Variants in POLR2E observed in about 807,000 individuals in gnomAD.
POLR2E encodes RNA polymerase II, I and III subunit E, also known as DNA-directed RNA polymerases I, II, and III subunit RPABC1.
Under a neutral mutation model 29.8 loss-of-function variants are expected in POLR2E, and 35 were observed. That is an observed-to-expected ratio of 1.17 (90% CI 0.90 to 1.55). The LOEUF (loss-of-function observed/expected upper bound fraction) is 1.55, where lower values mean the gene tolerates loss of function less well. POLR2E is among the 40% of genes most tolerant of loss of function. The pLI is 0.00. For missense variants in POLR2E, 287 were observed against 288.6 expected (o/e 0.99, Z 0.04); for synonymous variants, 174 against 112.6 (o/e 1.55, Z -3.45).
intron 7 of POLR2E, among the ~76,000 whole-genome samples, chr19:1,089,175 C>T (rs558889539): frequency 1.3e-5 from 2 of 152,338 alleles, no homozygotes; most frequent in East Asian, 3.9e-4. Flanking sequence ...AAAGTCCCGC[C>T]GCACAACTGC....
At chr19:1,094,950 G>C in intron 1 of POLR2E, 1 of 486,466 alleles carries the variant, frequency 2.1e-6, no homozygotes. Flanking sequence ...GGCAGAGTCT[G>C]GGGGCGCCCC....
chr19:1,089,564 A>AG lies in POLR2E; in HGVS notation c.568-14dup. On this transcript the variant is annotated splice_polypyrimidine_tract_variant and intron_variant, in intron 6 of 7. Coordinates refer to ENST00000615234, the MANE Select transcript of POLR2E (RefSeq NM_002695.5). ...TGATCTTCACCACCTGCAGAGACAG[A>AG]GAGCAGGGGCTGCGAATGCTTGAGG... is the stretch of plus-strand genomic sequence containing the variant. 6.2e-7 allele frequency: 1 copy of AG among 1,611,978 alleles called. No individual in the cohort carries two copies. The highest frequency in any genetic ancestry group is 1.1e-5 in the South Asian group (1 of 91,032).
At chr19:1,093,093 G>A (rs1003238432) in intron 2 of POLR2E, among the ~76,000 whole-genome samples, 5 of 151,520 alleles carry the variant, frequency 3.3e-5, no homozygotes, top group African/African-American at 1.2e-4. Context: ...AGCTGAGGCA[G>A]GAGAATCGCT....
In POLR2E at chr19:1,088,504, T is replaced by G; in HGVS notation, c.*231A>C. On this transcript the variant is annotated 3_prime_UTR_variant, in exon 8 of 8. Coordinates refer to ENST00000615234, the MANE Select transcript of POLR2E (RefSeq NM_002695.5). Reference sequence around the variant, plus strand: ...AGGTGACCTCCCTCTGGGGGCCTTGTTCCTTCTGAGGCTGCATCTCGCACA... The same window carrying G: ...AGGTGACCTCCCTCTGGGGGCCTTGGTCCTTCTGAGGCTGCATCTCGCACA... 1 of 152,124 alleles carries G rather than the reference T, an allele frequency of 6.6e-6. No individual in the cohort carries two copies. The highest frequency in any genetic ancestry group is 1.5e-5 in the Non-Finnish European group (1 of 68,086). The allele number at this position is 152,124 out of a possible 1,614,324, so 9.4% of individuals were successfully genotyped here. A position where few individuals can be genotyped will look rare whatever the true frequency, so the allele number is the denominator to read the frequency against.
intron 2 of POLR2E, 88 bp from the exon 3 acceptor site, chr19:1,091,995 C>A (rs2043843248): frequency 1.1e-6 from 1 of 879,712 alleles, no homozygotes; most frequent in Non-Finnish European, 1.9e-6. Context: ...GGTTCCAGCC[C>A]CATTCCACAC....
intron 4 of POLR2E, among the ~76,000 whole-genome samples, chr19:1,090,444 T>G (rs1028662817): frequency 7.2e-6 from 1 of 138,790 alleles, no homozygotes. Context: ...CAGGCTGGGG[T>G]GGGCCCGGGA....
At chr19:1,090,622 G>A (rs1050125490) in intron 4 of POLR2E, among the ~76,000 whole-genome samples, 3 of 151,962 alleles carry the variant, frequency 2.0e-5, no homozygotes, top group Admixed American at 6.5e-5. Flanking sequence ...GTTTCACCGT[G>A]TTAGCCAGGA....
At chr19:1,090,009 C>T in intron 5 of POLR2E, 47 bp from the exon 6 acceptor site, 2 of 1,250,060 alleles carry the variant, frequency 1.6e-6, no homozygotes, top group Non-Finnish European at 2.1e-6. Context: ...GTTGGGGGGG[C>T]AGGGGTGTGT....
intron 4 of POLR2E, among the ~76,000 whole-genome samples, chr19:1,090,702 G>A (rs1264350728): frequency 1.3e-5 from 2 of 151,970 alleles, no homozygotes; most frequent in Non-Finnish European, 2.9e-5. Context: ...ACATGTGTGA[G>A]CCACCGCGCC....
intron 2 of POLR2E, among the ~76,000 whole-genome samples, chr19:1,093,267 G>A (rs1332898032): frequency 1.3e-5 from 2 of 152,218 alleles, no homozygotes; most frequent in African/African-American, 4.8e-5. Context: ...TCACCCCACT[G>A]ATTAATTCTG....
Position 1,095,311 on chromosome 19 carries a change from T to A in POLR2E, c.5A>T (p.Asp2Val). 1 of 1,612,820 alleles carries A rather than the reference T, an allele frequency of 6.2e-7. No homozygotes were observed. Among genetic ancestry groups the A allele is most frequent in the Admixed American group, 1.7e-5 (1 of 59,996 alleles). ...GAGCCGGTACGTCTCCTCCTCGTCG[T>A]CCATGGCAGCCTCCGCCGCCGCCGC... M[D>V]DEEETYRLWK... The change falls in exon 1 of 8, where the codon GAC becomes GTC. Residue 2 changes from aspartate (D) to valine (V), a missense_variant. Physicochemically the swap from Asp to Val is radical, Grantham distance 152 (BLOSUM62 -3). Coordinates refer to ENST00000615234, the MANE Select transcript of POLR2E (RefSeq NM_002695.5).
Position 1,086,594 on chromosome 19 carries a change from G to A in POLR2E, c.*2141C>T, listed in dbSNP as rs1453343951. On this transcript the variant is annotated 3_prime_UTR_variant, in exon 8 of 8. Transcript: ENST00000615234. ...CACCGTGTGGTTCTTTCACAGGCAC[G>A]TTTATTTTGCTGAAATAAAAAGTTT... 3 of 152,032 alleles carry A rather than the reference G, an allele frequency of 2.0e-5. No homozygotes were observed. Among genetic ancestry groups the A allele is most frequent in the Non-Finnish European group, 2.9e-5 (2 of 67,810 alleles). 9.4% of individuals were successfully genotyped at this position (152,032 alleles called of 1,614,324 possible). A position where few individuals can be genotyped will look rare whatever the true frequency, so the allele number is the denominator to read the frequency against.
chr19:1,089,877 G>A lies in POLR2E; in HGVS notation c.567+7C>T, dbSNP rs1359198192. ...GCCCCAGGGCCCCTTCTCCCCACAG[G>A]GCTCACCTGCCCACGCTTTATCCCA... On this transcript the variant is annotated splice_region_variant and intron_variant, in intron 6 of 7. Coordinates refer to ENST00000615234, the MANE Select transcript of POLR2E (RefSeq NM_002695.5). 1.9e-6 allele frequency: 3 copies of A among 1,609,528 alleles called. No homozygotes were observed. Among genetic ancestry groups the A allele is most frequent in the Non-Finnish European group, 1.7e-6 (2 of 1,178,064 alleles).
At position 1,090,997 on chromosome 19, in the gene POLR2E, GA is replaced by G; in HGVS notation, c.349-10del. 1 of 1,613,308 alleles carries G rather than the reference GA, an allele frequency of 6.2e-7. No individual in the cohort carries two copies. Among genetic ancestry groups the G allele is most frequent in the Non-Finnish European group, 8.5e-7 (1 of 1,179,798 alleles). On this transcript the variant is annotated splice_polypyrimidine_tract_variant and intron_variant, in intron 3 of 7. Coordinates refer to ENST00000615234, the MANE Select transcript of POLR2E (RefSeq NM_002695.5). ...GCCATGTCGACCAGGGACTGGAAGA[GA>G]GCGGCTCTAAGGCACGGCCCGGAGG...
chr19:1,095,203 TC>T (rs2043914797), intron 1 of POLR2E, 55 bp downstream of exon 1: 2 of 1,561,216 alleles, frequency 1.3e-6, no homozygotes, highest in Non-Finnish European at 1.8e-6. Context: ...CGACCCCACC[TC>T]GGGCCCCTAC....
rs2043718015 is a variant in POLR2E at position 1,087,357 on chromosome 19, T to G, written c.*1378A>C. On this transcript the variant is annotated 3_prime_UTR_variant, in exon 8 of 8. Coordinates refer to ENST00000615234, the MANE Select transcript of POLR2E (RefSeq NM_002695.5). Reference sequence around the variant, plus strand: ...TTGCAGTGATGGGATTTTGCCATGTTGGTCAGGCTGGTCTCGAACTCCCGA... The same window carrying G: ...TTGCAGTGATGGGATTTTGCCATGTGGGTCAGGCTGGTCTCGAACTCCCGA... 6.6e-6 allele frequency: 1 copy of G among 152,108 alleles called. No homozygotes were observed. The highest frequency in any genetic ancestry group is 2.1e-4 in the South Asian group (1 of 4,856). The allele number at this position is 152,108 out of a possible 1,614,324, so 9.4% of individuals were successfully genotyped here.
Position 1,090,997 on chromosome 19 carries a change from G to C in POLR2E, c.349-9C>G. 6.2e-7 allele frequency: 1 copy of C among 1,613,308 alleles called. No homozygotes were observed. The highest frequency in any genetic ancestry group is 8.5e-7 in the Non-Finnish European group (1 of 1,179,798). On this transcript the variant is annotated splice_polypyrimidine_tract_variant and intron_variant, in intron 3 of 7. Coordinates refer to ENST00000615234, the MANE Select transcript of POLR2E (RefSeq NM_002695.5). ...GCCATGTCGACCAGGGACTGGAAGAGAGCGGCTCTAAGGCACGGCCCGGAG... is the reference window on the plus strand; with the variant it reads ...GCCATGTCGACCAGGGACTGGAAGACAGCGGCTCTAAGGCACGGCCCGGAG...
Position 1,089,923 on chromosome 19 carries a change from C to A in POLR2E, c.528G>T (p.Gly176=). The A allele has an allele frequency of 1.9e-6, 3 of 1,613,042 alleles. No homozygotes were observed. Among genetic ancestry groups the A allele is most frequent in the Non-Finnish European group, 2.5e-6 (3 of 1,179,946 alleles). ...TCCCAAAGTAGCGCGCCACAGGGTCCCCCGCCTGGATCCTGGGCAGCTGGT... is the reference window on the plus strand; with the variant it reads ...TCCCAAAGTAGCGCGCCACAGGGTCACCCGCCTGGATCCTGGGCAGCTGGT... ...RENQLPRIQA[G]DPVARYFGIK... Residue 176 remains glycine (G), a synonymous_variant, in exon 6 of 8, where the codon GGG becomes GGT. Transcript: ENST00000615234.
rs1245466530 is a variant in POLR2E, at chr19:1,089,173, G to A, written c.*14+299C>T. 2.6e-5 allele frequency among the ~76,000 whole-genome samples: 4 copies of A among 152,332 alleles called. No homozygotes were observed. In the East Asian group the frequency reaches 5.8e-4, roughly 22 times the overall value. Reference sequence around the variant, plus strand: ...TCTAAACCCTCTTCTGGAAAGTCCCGCCGCACAACTGCCCTGCAGGTGAAC... The same window carrying A: ...TCTAAACCCTCTTCTGGAAAGTCCCACCGCACAACTGCCCTGCAGGTGAAC... On this transcript the variant is annotated intron_variant, in intron 7 of 7. Transcript: ENST00000615234.
Sources: gnomAD v4.1 joint callset for allele counts (sites outside exome capture counted in the v4.1 genomes callset) on GRCh38, gnomAD v4.1.1 for gene constraint, MANE v1.5 for transcripts, NCBI Gene and HGNC (gene_info 2026-07-23, HGNC 2026-07-21) for gene names.